MIPEP: variants seen among roughly 807,000 people sequenced by gnomAD.
MIPEP encodes the protein mitochondrial intermediate peptidase.
A neutral mutation model predicts 90.3 loss-of-function variants in MIPEP; 79 were observed. That is an observed-to-expected ratio of 0.87 (90% CI 0.73 to 1.05). The LOEUF (loss-of-function observed/expected upper bound fraction) is 1.05. Ranked by LOEUF, MIPEP falls within the 50% of genes least tolerant of loss-of-function variation. MIPEP has a pLI of 0.00. For missense variants in MIPEP, 940 were observed against 905.6 expected, an observed-to-expected ratio of 1.04 and a Z score of -0.49; for synonymous variants, 334 against 315.8, an observed-to-expected ratio of 1.06 and a Z score of -0.61.
At chr13:23,730,742 A>G (rs1009980759) in intron 18 of MIPEP, among the ~76,000 whole-genome samples, 1 of 152,160 alleles carries the variant, frequency 6.6e-6, no homozygotes, top group African/African-American at 2.4e-5. Flanking sequence ...TTAGAGACTG[A>G]TATTAGAAGA....
At chr13:23,848,464 T>C (rs1180363987) in intron 10 of MIPEP, among the ~76,000 whole-genome samples, 1 of 152,084 alleles carries the variant, frequency 6.6e-6, no homozygotes, top group Non-Finnish European at 1.5e-5. Context: ...CTCCTCAGTG[T>C]GGAAAGATGA....
At chr13:23,868,272 T>C (rs1445473549) in intron 7 of MIPEP, among the ~76,000 whole-genome samples, 4 of 152,026 alleles carry the variant, frequency 2.6e-5, no homozygotes, top group South Asian at 2.1e-4. Context: ...CTGCTCTCCA[T>C]AGGAGAGTGA....
intron 18 of MIPEP, among the ~76,000 whole-genome samples, chr13:23,734,735 C>T (rs962812156): frequency 1.3e-5 from 2 of 152,170 alleles, no homozygotes; most frequent in Admixed American, 1.3e-4. Flanking sequence ...CATTCGACGC[C>T]CCTTTCCAGC....
intron 16 of MIPEP, among the ~76,000 whole-genome samples, chr13:23,766,747 C>T (rs1465324755): frequency 6.6e-6 from 1 of 152,214 alleles, no homozygotes; most frequent in African/African-American, 2.4e-5. Context: ...TTAAGTGGAA[C>T]AGTTATTGTG....
intron 16 of MIPEP, among the ~76,000 whole-genome samples, chr13:23,792,828 C>A (rs545512118): frequency 6.6e-6 from 1 of 152,288 alleles, no homozygotes; most frequent in South Asian, 2.1e-4. Flanking sequence ...AGAGGACATT[C>A]AAGTGGCCTC....
intron 16 of MIPEP, among the ~76,000 whole-genome samples, chr13:23,781,852 CAAGG>C (rs1952786037): frequency 6.6e-6 from 1 of 152,132 alleles, no homozygotes; most frequent in African/African-American, 2.4e-5. Flanking sequence ...TCAAAAAAGA[CAAGG>C]AAGGCCACTA....
At chr13:23,853,392 T>TATC (rs1157159948) in intron 10 of MIPEP, among the ~76,000 whole-genome samples, 2 of 152,170 alleles carry the variant, frequency 1.3e-5, no homozygotes, top group East Asian at 3.8e-4. Context: ...CATATATACT[T>TATC]ATCATGTGTT....
At chr13:23,864,274 A>G in intron 7 of MIPEP, 85 bp from the exon 8 acceptor site, 1 of 945,036 alleles carries the variant, frequency 1.1e-6, no homozygotes, top group Non-Finnish European at 1.6e-6. Flanking sequence ...GATGATCATA[A>G]TCTATATCCC....
At chr13:23,745,496 A>C (rs1385761205) in intron 18 of MIPEP, among the ~76,000 whole-genome samples, 2 of 152,192 alleles carry the variant, frequency 1.3e-5, no homozygotes, top group Non-Finnish European at 2.9e-5. Flanking sequence ...AATCTGCTCT[A>C]AATCTCTATA....
chr13:23,786,525 G>A (rs569124469), intron 16 of MIPEP, among the ~76,000 whole-genome samples: 12 of 151,900 alleles, frequency 7.9e-5, no homozygotes, highest in South Asian at 6.3e-4. Context: ...GGGGAAATAC[G>A]TATATCAAGA....
chr13:23,783,630 G>T (rs1952805508), intron 16 of MIPEP, among the ~76,000 whole-genome samples: 1 of 152,120 alleles, frequency 6.6e-6, no homozygotes, highest in Non-Finnish European at 1.5e-5. Context: ...GAAATAAAGG[G>T]TATACAATTA....
chr13:23,739,169 C>T (rs1435786325), intron 18 of MIPEP, among the ~76,000 whole-genome samples: 1 of 152,090 alleles, frequency 6.6e-6, no homozygotes, highest in African/African-American at 2.4e-5. Flanking sequence ...TATTGAGTAC[C>T]AGCTAGCTGG....
chr13:23,851,122 C>T (rs1199482436), intron 10 of MIPEP, among the ~76,000 whole-genome samples: 1 of 152,222 alleles, frequency 6.6e-6, no homozygotes, highest in Non-Finnish European at 1.5e-5. Context: ...GACCTCTCCC[C>T]AGGTTGCAGA....
At chr13:23,772,520 A>T (rs968410624) in intron 16 of MIPEP, among the ~76,000 whole-genome samples, 8 of 152,226 alleles carry the variant, frequency 5.3e-5, no homozygotes, top group African/African-American at 1.9e-4. Flanking sequence ...AAGAGAATCA[A>T]CTAGCATTAC....
intron 16 of MIPEP, among the ~76,000 whole-genome samples, chr13:23,762,213 A>G (rs191060211): frequency 6.6e-6 from 1 of 152,312 alleles, no homozygotes; most frequent in East Asian, 1.9e-4. Flanking sequence ...CTCTTTAACA[A>G]AGCTGTTAAC....
chr13:23,754,134 T>C (rs1452084683), intron 18 of MIPEP, among the ~76,000 whole-genome samples: 1 of 152,194 alleles, frequency 6.6e-6, no homozygotes, highest in Non-Finnish European at 1.5e-5. Flanking sequence ...CTGTATGCTT[T>C]TACATTACAA....
chr13:23,871,338 C>G (rs1156995657), intron 5 of MIPEP, among the ~76,000 whole-genome samples: 1 of 152,116 alleles, frequency 6.6e-6, no homozygotes, highest in Middle Eastern at 3.2e-3. Flanking sequence ...AACTAGAAAC[C>G]ACATAATTAG....
intron 15 of MIPEP, among the ~76,000 whole-genome samples, chr13:23,809,350 C>CTTT (rs71185094): frequency 6.9e-6 from 1 of 144,532 alleles, no homozygotes; most frequent in Non-Finnish European, 1.5e-5. Context: ...GGGAAATAGT[C>CTTT]TTTTTTTTTT....
intron 9 of MIPEP, among the ~76,000 whole-genome samples, chr13:23,860,855 TAGC>T (rs1870266129): frequency 6.6e-6 from 1 of 152,012 alleles, no homozygotes; most frequent in Non-Finnish European, 1.5e-5. Context: ...ATTGGGATCA[TAGC>T]CCAGGCTATG....
Sources: gnomAD v4.1 joint callset for allele counts (sites outside exome capture counted in the v4.1 genomes callset) on GRCh38, gnomAD v4.1.1 for gene constraint, MANE v1.5 for transcripts, NCBI Gene and HGNC (gene_info 2026-07-23, HGNC 2026-07-21) for gene names.